Variants in RYR2 observed in about 807,000 individuals in gnomAD.
RYR2 encodes cardiac muscle ryanodine receptor-calcium release channel.
RYR2 carries 227 observed loss-of-function variants against 601.1 expected under a neutral mutation model. The ratio of observed to expected loss-of-function variants is 0.38; its 90% CI spans 0.34 to 0.42. The LOEUF is 0.42. Among genes scored for constraint, RYR2 ranks in the 10% least tolerant of loss-of-function variants. The pLI is 1.00. For missense variants in RYR2, 4,646 were observed against 6,156.5 expected, an observed-to-expected ratio of 0.75 and a Z score of 8.21; for synonymous variants, 2,223 against 2,175.1, an observed-to-expected ratio of 1.02 and a Z score of -0.61.
chr1:237,611,101 A>G (rs781011097), intron 36 of RYR2, 113 bp downstream of exon 36: 19 of 795,544 alleles, frequency 2.4e-5, no homozygotes, highest in Non-Finnish European at 3.6e-5. Context: ...ACAAGATGAA[A>G]TTTACAAAGA....
chr1:237,531,279 T>A (rs1668115446), intron 25 of RYR2, among the ~76,000 whole-genome samples: 1 of 152,202 alleles, frequency 6.6e-6, no homozygotes, highest in South Asian at 2.1e-4. Context: ...TGGCCTGCTG[T>A]TCTATGACCT....
At chr1:237,122,205 C>G (rs1670864614) in intron 1 of RYR2, among the ~76,000 whole-genome samples, 1 of 152,190 alleles carries the variant, frequency 6.6e-6, no homozygotes, top group African/African-American at 2.4e-5. Context: ...AGGGAAGCAA[C>G]CCACCGGGAT....
chr1:237,210,206 C>A (rs1487126123), intron 1 of RYR2, among the ~76,000 whole-genome samples: 1 of 147,688 alleles, frequency 6.8e-6, no homozygotes, highest in Non-Finnish European at 1.5e-5. Context: ...ATTTTTATAT[C>A]AATAAACTCT....
chr1:237,798,295 A>G (rs1160398552), intron 97 of RYR2, 125 bp downstream of exon 97: 1 of 848,338 alleles, frequency 1.2e-6, no homozygotes, highest in Non-Finnish European at 1.7e-6. Context: ...TGAGGAAAAC[A>G]GAAAGTATAT....
intron 29 of RYR2, among the ~76,000 whole-genome samples, chr1:237,571,631 T>C (rs1181339616): frequency 6.6e-6 from 1 of 152,170 alleles, no homozygotes; most frequent in East Asian, 1.9e-4. Context: ...TAATAGTCTA[T>C]ATAAATTTGT....
intron 17 of RYR2, among the ~76,000 whole-genome samples, chr1:237,486,533 C>CTCTT (rs59078838): frequency 0.35 from 52,650 of 151,680 alleles, 9,232 homozygotes; most frequent in Middle Eastern, 0.46. Flanking sequence ...ACTTAAAAGA[C>CTCTT]TCCATAGATT....
intron 1 of RYR2, among the ~76,000 whole-genome samples, chr1:237,130,944 C>T (rs937482302): frequency 6.6e-6 from 1 of 152,130 alleles, no homozygotes; most frequent in African/African-American, 2.4e-5. Flanking sequence ...GACAGTCACA[C>T]AGGGCTGTCT....
chr1:237,806,345 AAAAT>A (rs1468297870), intron 99 of RYR2, 62 bp downstream of exon 99: 1 of 1,453,868 alleles, frequency 6.9e-7, no homozygotes, highest in Admixed American at 2.0e-5. Flanking sequence ...AAAACAAAGA[AAAAT>A]AAAACTACCC....
chr1:237,589,950 C>G lies in RYR2; in HGVS notation c.3756C>G (p.Ser1252Arg), dbSNP rs781152562. ...NTNRDITMWL[S>R]KRLPQFLQVP... ...ACAGGGATATTACCATGTGGCTGAGCAAGAGGCTTCCTCAGTTTCTTCAAG... is the reference window on the plus strand; with the variant it reads ...ACAGGGATATTACCATGTGGCTGAGGAAGAGGCTTCCTCAGTTTCTTCAAG... The change falls in exon 30 of 105, where the codon AGC becomes AGG. Residue 1252 changes from serine to arginine, a missense_variant. By Grantham distance (110) the Ser-to-Arg change is moderately radical. Coordinates refer to ENST00000366574, the MANE Select transcript of RYR2 (RefSeq NM_001035.3). 5.6e-6 allele frequency: 9 copies of G among 1,613,768 alleles called. No homozygotes were observed. Among genetic ancestry groups the G allele is most frequent in the Non-Finnish European group, 7.6e-6 (9 of 1,179,868 alleles).
At chr1:237,459,339 G>A (rs1382584) in intron 16 of RYR2, among the ~76,000 whole-genome samples, 73,616 of 152,008 alleles carry the variant, frequency 0.48, 18,931 homozygotes, top group East Asian at 0.65. Context: ...AGTCCCAGCT[G>A]CGTGGGGGGC....
chr1:237,493,128 TA>T, intron 19 of RYR2, 41 bp downstream of exon 19: 1 of 1,609,650 alleles, frequency 6.2e-7, no homozygotes, highest in Non-Finnish European at 8.5e-7. Flanking sequence ...GGTACCATAA[TA>T]AAAGAATTAA....
In RYR2 at chr1:237,491,492, G is replaced by A. The variant is rs547685043; in HGVS notation, c.1709-314G>A. On this transcript the variant is annotated intron_variant, in intron 17 of 104. Transcript: ENST00000366574. ...GGAAAGCCTGAAAATGGTCATGAAC[G>A]TATTCTTTAAGGCCCCACCTCTGTG... Among the ~76,000 whole-genome samples the A allele has an allele frequency of 3.9e-5, 6 of 152,226 alleles. No homozygotes were observed. The East Asian group carries it at 5.8e-4, about 15-fold the overall frequency.
intron 2 of RYR2, among the ~76,000 whole-genome samples, chr1:237,278,666 A>G (rs1393886562): frequency 6.6e-6 from 1 of 152,116 alleles, no homozygotes; most frequent in Non-Finnish European, 1.5e-5. Context: ...AGACCTTTTT[A>G]AAAGGAAACA....
rs138128511 is a variant in RYR2, at chr1:237,405,551, A to G, written c.774-11498A>G. ...AATTTCACTTGAGACAGCAATTCAA[A>G]TATATCAACCTTAATTTAATTCCAT... On this transcript the variant is annotated intron_variant, in intron 10 of 104. Transcript: ENST00000366574. Among the ~76,000 whole-genome samples the G allele has an allele frequency of 2.7e-3, 417 of 152,328 alleles. 3 individuals carry two copies. Among genetic ancestry groups the G allele is most frequent in the African/African-American group, 9.0e-3 (376 of 41,584 alleles).
At chr1:237,767,406 CGAGATTA>C (rs1693927433) in intron 84 of RYR2, among the ~76,000 whole-genome samples, 1 of 152,052 alleles carries the variant, frequency 6.6e-6, no homozygotes, top group East Asian at 1.9e-4. Flanking sequence ...TCTTCAGGTT[CGAGATTA>C]TGTTCACCTC....
At chr1:237,544,251 T>A (rs563274598) in intron 25 of RYR2, among the ~76,000 whole-genome samples, 2 of 152,286 alleles carry the variant, frequency 1.3e-5, no homozygotes, top group East Asian at 3.9e-4. Context: ...GGATGATTGA[T>A]GGCACAGAGA....
intron 1 of RYR2, among the ~76,000 whole-genome samples, chr1:237,258,889 T>A (rs978216895): frequency 2.0e-5 from 3 of 152,146 alleles, no homozygotes; most frequent in Admixed American, 6.5e-5. Context: ...GATAGAAGTG[T>A]TTATTTCTAC....
chr1:237,331,811 GC>G (rs1376330802), intron 3 of RYR2, among the ~76,000 whole-genome samples: 1 of 151,996 alleles, frequency 6.6e-6, no homozygotes, highest in African/African-American at 2.4e-5. Flanking sequence ...ACCGCGCCCA[GC>G]CCTGAAATTG....
intron 18 of RYR2, 55 bp from the exon 19 acceptor site, chr1:237,492,898 AG>A: frequency 8.5e-7 from 1 of 1,175,156 alleles, no homozygotes; most frequent in East Asian, 3.3e-5. Context: ...GGAGGGAGGG[AG>A]GGAGGGAAAG....
Sources: allele counts gnomAD v4.1 joint callset (sites outside exome capture counted in the v4.1 genomes callset), GRCh38; gene constraint gnomAD v4.1.1; transcripts MANE v1.5; gene names NCBI Gene and HGNC (gene_info 2026-07-23, HGNC 2026-07-21).